The following ZCCHC17 variants were observed in gnomAD, a reference collection of about 807,000 sequenced individuals.
The protein encoded by ZCCHC17 is zinc finger CCHC-type containing 17.
Under a neutral mutation model 30.6 loss-of-function variants are expected in ZCCHC17, and 18 were observed. The ratio of observed to expected loss-of-function variants is 0.59; its 90% CI spans 0.41 to 0.87. The LOEUF (loss-of-function observed/expected upper bound fraction) is 0.87. Among genes scored for constraint, ZCCHC17 ranks in the 40% least tolerant of loss-of-function variants. The pLI, the probability that ZCCHC17 is intolerant of heterozygous loss-of-function variation, is 0.00. For synonymous variants in ZCCHC17, 88 were observed against 92.4 expected (o/e 0.95, Z 0.27); for missense variants, 263 against 284.2 (o/e 0.93, Z 0.54).
At chr1:31,321,855 T>C (rs1187063256) in intron 3 of ZCCHC17, among the ~76,000 whole-genome samples, 1 of 152,240 alleles carries the variant, frequency 6.6e-6, no homozygotes, top group Non-Finnish European at 1.5e-5. Context: ...ATATCAAATA[T>C]ATGATTTGCA....
intron 6 of ZCCHC17, 117 bp downstream of exon 6, chr1:31,346,857 C>T: frequency 2.0e-6 from 3 of 1,530,820 alleles, no homozygotes; most frequent in Non-Finnish European, 2.6e-6. Context: ...CAAGTGATGG[C>T]CTTTGCTGTT....
At chr1:31,315,533 G>A (rs1646712396) in intron 2 of ZCCHC17, among the ~76,000 whole-genome samples, 1 of 152,134 alleles carries the variant, frequency 6.6e-6, no homozygotes, top group South Asian at 2.1e-4. Context: ...AATGCTGAGG[G>A]GAGATTCATG....
chr1:31,345,956 A>G (rs1427569191), intron 5 of ZCCHC17, among the ~76,000 whole-genome samples: 1 of 152,154 alleles, frequency 6.6e-6, no homozygotes, highest in African/African-American at 2.4e-5. Flanking sequence ...GAGCCAAATC[A>G]CATCAACATA....
At chr1:31,332,612 C>G (rs146550463) in intron 3 of ZCCHC17, among the ~76,000 whole-genome samples, 2 of 151,968 alleles carry the variant, frequency 1.3e-5, no homozygotes, top group Non-Finnish European at 2.9e-5. Context: ...TGTGCTATTA[C>G]TACCATACAG....
intron 3 of ZCCHC17, among the ~76,000 whole-genome samples, chr1:31,334,333 CTCTCTGTGTGTGTG>C (rs1267306311): frequency 2.7e-3 from 166 of 60,936 alleles, no homozygotes; most frequent in African/African-American, 8.8e-3. Context: ...CTCTCTCTCT[CTCTCTGTGTGTGTG>C]TGTGTGTGTG....
At chr1:31,305,638 C>T (rs544408121) in intron 1 of ZCCHC17, among the ~76,000 whole-genome samples, 8 of 151,604 alleles carry the variant, frequency 5.3e-5, no homozygotes, top group South Asian at 2.1e-4. Flanking sequence ...GATGGGGTGT[C>T]GCTGTGTTGC....
At chr1:31,311,916 G>A (rs984115003) in intron 2 of ZCCHC17, among the ~76,000 whole-genome samples, 1 of 152,154 alleles carries the variant, frequency 6.6e-6, no homozygotes, top group Admixed American at 6.5e-5. Context: ...TGTGATTAAT[G>A]CCCTTATAGA....
intron 3 of ZCCHC17, among the ~76,000 whole-genome samples, chr1:31,324,825 C>T (rs533332049): frequency 4.0e-5 from 6 of 151,390 alleles, no homozygotes; most frequent in Admixed American, 4.0e-4. Flanking sequence ...TTGATGGTGA[C>T]AAGAGGCAGA....
At position 31,364,293 on chromosome 1, in the gene ZCCHC17, C is replaced by T. The variant is rs181732297; in HGVS notation, c.*100C>T. On this transcript the variant is annotated 3_prime_UTR_variant, in exon 8 of 8. Transcript: ENST00000344147. Reference sequence around the variant, plus strand: ...CAATAGTGAGAATATAGCCTCCCACCCCATTAACTTCGCTCCCATGGGAGA... The same window carrying T: ...CAATAGTGAGAATATAGCCTCCCACTCCATTAACTTCGCTCCCATGGGAGA... 28 of 1,459,508 alleles carry T rather than the reference C, an allele frequency of 1.9e-5. No individual in the cohort carries two copies. The African/African-American group carries it at 2.9e-4, about 15-fold the overall frequency. The allele number at this position is 1,459,508 out of a possible 1,614,324, so 90.4% of individuals were successfully genotyped here. A position where few individuals can be genotyped will look rare whatever the true frequency, so the allele number is the denominator to read the frequency against.
intron 1 of ZCCHC17, among the ~76,000 whole-genome samples, chr1:31,306,693 G>A (rs940858793): frequency 1.3e-5 from 2 of 151,892 alleles, no homozygotes; most frequent in Admixed American, 1.3e-4. Context: ...TTTGAGATAA[G>A]GTCTCACTGT....
chr1:31,326,152 G>A (rs1488911708), intron 3 of ZCCHC17, among the ~76,000 whole-genome samples: 2 of 151,888 alleles, frequency 1.3e-5, no homozygotes, highest in Non-Finnish European at 2.9e-5. Flanking sequence ...TTAAATTACT[G>A]CCTATGTTTA....
At chr1:31,319,877 A>T (rs1186247937) in intron 3 of ZCCHC17, among the ~76,000 whole-genome samples, 1 of 152,214 alleles carries the variant, frequency 6.6e-6, no homozygotes, top group Admixed American at 6.5e-5. Flanking sequence ...AACATTTTAA[A>T]AAAAGGCAAC....
intron 5 of ZCCHC17, among the ~76,000 whole-genome samples, chr1:31,342,668 C>G (rs1038713123): frequency 3.9e-5 from 6 of 152,202 alleles, no homozygotes; most frequent in Non-Finnish European, 7.3e-5. Context: ...TGGTAATGCT[C>G]CTTCACCTGC....
intron 7 of ZCCHC17, among the ~76,000 whole-genome samples, chr1:31,358,646 G>A (rs937204090): frequency 2.2e-4 from 33 of 151,864 alleles, no homozygotes; most frequent in Non-Finnish European, 5.9e-5. Flanking sequence ...GTAGGGAGCA[G>A]TCAGGAGTTT....
chr1:31,311,898 C>G (rs932649009), intron 2 of ZCCHC17, among the ~76,000 whole-genome samples: 2 of 152,188 alleles, frequency 1.3e-5, no homozygotes, highest in Non-Finnish European at 2.9e-5. Flanking sequence ...AGGCTCTGCC[C>G]TTGTAAATGT....
At position 31,344,294 on chromosome 1, in the gene ZCCHC17, A is replaced by G. The variant is rs1639160322; in HGVS notation, c.318-2346A>G. The stretch of plus-strand genomic sequence containing the variant: ...AGGTGTGAGCCACAACTGCTGGTCC[A>G]TAGGGTAGTCTTTAGAAAAAGCACA... On this transcript the variant is annotated intron_variant, in intron 5 of 7. Transcript: ENST00000344147. 2.6e-5 allele frequency among the ~76,000 whole-genome samples: 4 copies of G among 152,176 alleles called. No individual in the cohort carries two copies. In the South Asian group the frequency reaches 8.3e-4, roughly 32 times the overall value.
intron 7 of ZCCHC17, among the ~76,000 whole-genome samples, chr1:31,350,928 G>A (rs1375912961): frequency 6.6e-6 from 1 of 152,108 alleles, no homozygotes; most frequent in Non-Finnish European, 1.5e-5. Flanking sequence ...TTTTCGAAGT[G>A]GGATTGTTGT....
chr1:31,305,718 A>G (rs1328156066), intron 1 of ZCCHC17, among the ~76,000 whole-genome samples: 2 of 152,134 alleles, frequency 1.3e-5, no homozygotes, highest in Non-Finnish European at 2.9e-5. Context: ...CTGGAATTAC[A>G]GGTGTGGACT....
chr1:31,354,397 G>A (rs1359314558), intron 7 of ZCCHC17, among the ~76,000 whole-genome samples: 1 of 151,926 alleles, frequency 6.6e-6, no homozygotes, highest in Non-Finnish European at 1.5e-5. Flanking sequence ...TAATTTTCTT[G>A]CAGATTTAGT....
Sources: gnomAD v4.1 joint callset for allele counts (sites outside exome capture counted in the v4.1 genomes callset) on GRCh38, gnomAD v4.1.1 for gene constraint, MANE v1.5 for transcripts, NCBI Gene and HGNC (gene_info 2026-07-23, HGNC 2026-07-21) for gene names.